The following NPAS3 variants were observed in gnomAD, a reference collection of about 807,000 sequenced individuals.
NPAS3 encodes the protein neuronal PAS domain-containing protein 3.
Under a neutral mutation model 73.1 loss-of-function variants are expected in NPAS3, and 14 were observed. That is an observed-to-expected ratio of 0.19 (90% CI 0.13 to 0.30). The LOEUF (loss-of-function observed/expected upper bound fraction) is 0.30, where lower values mean the gene tolerates loss of function less well. Ranked by LOEUF, NPAS3 falls within the 10% of genes least tolerant of loss-of-function variation. The pLI, the probability that NPAS3 is intolerant of heterozygous loss-of-function variation, is 1.00. For synonymous variants in NPAS3, 620 were observed against 541.5 expected, an observed-to-expected ratio of 1.14 and a Z score of -2.01; for missense variants, 1,096 against 1,250.0, an observed-to-expected ratio of 0.88 and a Z score of 1.86.
At chr14:33,443,684 G>T (rs551808656) in intron 4 of NPAS3, among the ~76,000 whole-genome samples, 1 of 152,346 alleles carries the variant, frequency 6.6e-6, no homozygotes, top group East Asian at 1.9e-4. Flanking sequence ...GCAGCCACTA[G>T]TTCCAGGAGG....
intron 7 of NPAS3, among the ~76,000 whole-genome samples, chr14:33,772,733 G>T (rs1045064288): frequency 1.3e-5 from 2 of 152,124 alleles, no homozygotes; most frequent in Non-Finnish European, 2.9e-5. Context: ...AGTTAATGAG[G>T]TCTTGCACAA....
chr14:33,086,065 G>A (rs1201320424), intron 2 of NPAS3, among the ~76,000 whole-genome samples: 1 of 152,096 alleles, frequency 6.6e-6, no homozygotes, highest in Non-Finnish European at 1.5e-5. Flanking sequence ...TTTCTCTTCT[G>A]TGACACTCAG....
chr14:33,303,496 T>A (rs547452625), intron 3 of NPAS3, among the ~76,000 whole-genome samples: 1 of 152,164 alleles, frequency 6.6e-6, no homozygotes, highest in Non-Finnish European at 1.5e-5. Context: ...AATATACAAG[T>A]TTAAATAATC....
intron 1 of NPAS3, among the ~76,000 whole-genome samples, chr14:32,970,709 G>C (rs1013081834): frequency 2.0e-5 from 3 of 152,090 alleles, no homozygotes; most frequent in African/African-American, 7.2e-5. Context: ...TCTTCTGGAG[G>C]TTTGCTGGCA....
chr14:33,095,657 C>CT (rs201283993), intron 2 of NPAS3, among the ~76,000 whole-genome samples: 7,014 of 96,686 alleles, frequency 0.073, 1,213 homozygotes, highest in Non-Finnish European at 0.1. Flanking sequence ...GCATTCTCTG[C>CT]TTTTATTTTT....
intron 4 of NPAS3, among the ~76,000 whole-genome samples, chr14:33,421,310 C>G (rs147347496): frequency 1.3e-5 from 2 of 151,950 alleles, no homozygotes; most frequent in African/African-American, 4.8e-5. Flanking sequence ...CTCACTACAG[C>G]CCATCACATT....
chr14:33,110,021 C>T (rs747263570), intron 2 of NPAS3, among the ~76,000 whole-genome samples: 9 of 151,668 alleles, frequency 5.9e-5, no homozygotes, highest in Non-Finnish European at 8.8e-5. Context: ...GTTCCTTATA[C>T]GAAGGCTATT....
intron 1 of NPAS3, among the ~76,000 whole-genome samples, chr14:33,010,721 G>A (rs185419852): frequency 1.1e-3 from 171 of 152,226 alleles, no homozygotes; most frequent in Non-Finnish European, 2.2e-3. Context: ...GCAGGCCAAG[G>A]AGAGATAATC....
intron 5 of NPAS3, among the ~76,000 whole-genome samples, chr14:33,665,851 C>T (rs750221201): frequency 4.0e-5 from 6 of 151,898 alleles, no homozygotes; most frequent in Non-Finnish European, 2.9e-5. Context: ...TTTGTGTTCA[C>T]CTACTGGGAA....
chr14:33,686,040 T>C (rs1173607726), intron 6 of NPAS3, among the ~76,000 whole-genome samples: 1 of 152,102 alleles, frequency 6.6e-6, no homozygotes, highest in Admixed American at 6.5e-5. Flanking sequence ...AAGGAGGAGA[T>C]AGTGCTGCTA....
chr14:33,574,284 A>C (rs547628808), intron 5 of NPAS3, among the ~76,000 whole-genome samples: 1 of 152,278 alleles, frequency 6.6e-6, no homozygotes, highest in South Asian at 2.1e-4. Context: ...ATGATCAGAA[A>C]GTGACCTGGC....
chr14:33,572,877 G>A (rs909789827), intron 5 of NPAS3, among the ~76,000 whole-genome samples: 2 of 152,026 alleles, frequency 1.3e-5, no homozygotes, highest in Non-Finnish European at 2.9e-5. Flanking sequence ...ACAAAAATTA[G>A]CCAGGTGTGG....
chr14:32,988,021 T>G (rs1280384677), intron 1 of NPAS3, among the ~76,000 whole-genome samples: 1 of 152,112 alleles, frequency 6.6e-6, no homozygotes, highest in Non-Finnish European at 1.5e-5. Context: ...TGATTCTACA[T>G]CAATAGGAGA....
intron 3 of NPAS3, among the ~76,000 whole-genome samples, chr14:33,363,029 A>G (rs2045677332): frequency 6.6e-6 from 1 of 152,072 alleles, no homozygotes; most frequent in Non-Finnish European, 1.5e-5. Context: ...AGCAGGGCAC[A>G]AGGCAAGTAG....
intron 5 of NPAS3, among the ~76,000 whole-genome samples, chr14:33,674,484 C>T (rs1180296063): frequency 1.3e-5 from 2 of 152,144 alleles, no homozygotes; most frequent in Admixed American, 6.5e-5. Flanking sequence ...CTTAATTGCT[C>T]AAAGTCAGTT....
At chr14:33,235,076 G>A (rs2047984885) in intron 3 of NPAS3, among the ~76,000 whole-genome samples, 1 of 151,844 alleles carries the variant, frequency 6.6e-6, no homozygotes, top group Admixed American at 6.6e-5. Context: ...GCATTAATGG[G>A]GAAAATATAG....
chr14:33,070,632 T>A (rs1468111066), intron 2 of NPAS3, among the ~76,000 whole-genome samples: 1 of 152,214 alleles, frequency 6.6e-6, no homozygotes, highest in Non-Finnish European at 1.5e-5. Flanking sequence ...AACAGCACCA[T>A]CACTCATGAT....
At chr14:33,421,061 A>T in intron 4 of NPAS3, among the ~76,000 whole-genome samples, 1 of 151,968 alleles carries the variant, frequency 6.6e-6, no homozygotes, top group East Asian at 1.9e-4. Context: ...TTGAGTTCTA[A>T]GCAGTAAATT....
At chr14:33,300,386 T>C (rs932477943) in intron 3 of NPAS3, among the ~76,000 whole-genome samples, 3 of 152,224 alleles carry the variant, frequency 2.0e-5, no homozygotes, top group Admixed American at 1.3e-4. Flanking sequence ...ACTATTATAA[T>C]GAACCACCAC....
Sources: allele counts gnomAD v4.1 joint callset (sites outside exome capture counted in the v4.1 genomes callset), GRCh38; gene constraint gnomAD v4.1.1; transcripts MANE v1.5; gene names NCBI Gene and HGNC (gene_info 2026-07-23, HGNC 2026-07-21).